Variants in ZDHHC15 observed in about 807,000 individuals in gnomAD.
ZDHHC15 encodes the protein zDHHC palmitoyltransferase 15.
ZDHHC15 carries 19 observed loss-of-function variants against 31.7 expected under a neutral mutation model. That is an observed-to-expected ratio of 0.60 (90% CI 0.42 to 0.88). The LOEUF is 0.88. Ranked by LOEUF, ZDHHC15 falls within the 40% of genes least tolerant of loss-of-function variation. The pLI, the probability that ZDHHC15 is intolerant of heterozygous loss-of-function variation, is 0.00. For synonymous variants in ZDHHC15, 103 were observed against 90.0 expected, an observed-to-expected ratio of 1.14 and a Z score of -0.82; for missense variants, 209 against 251.2, an observed-to-expected ratio of 0.83 and a Z score of 1.14.
chrX:75,383,297 A>G (rs1358127559), intron 10 of ZDHHC15, among the ~76,000 whole-genome samples: 1 of 112,444 alleles, frequency 8.9e-6, no homozygotes, highest in Non-Finnish European at 1.9e-5. Flanking sequence ...TAATCTAACA[A>G]TCATTTTCTA....
chrX:75,464,597 C>G (rs1387351634), intron 3 of ZDHHC15, among the ~76,000 whole-genome samples: 1 of 111,220 alleles, frequency 9.0e-6, no homozygotes, highest in East Asian at 2.8e-4. Flanking sequence ...AGCAGCATAT[C>G]AAAAAGCTAT....
intron 3 of ZDHHC15, among the ~76,000 whole-genome samples, chrX:75,457,548 T>C (rs1444946093): frequency 9.1e-6 from 1 of 110,030 alleles, no homozygotes; most frequent in Non-Finnish European, 1.9e-5. Flanking sequence ...TATATGCCTG[T>C]CTTATGACCC....
chrX:75,463,575 T>TACAACAACAACAACAACAACAACAACA (rs55847003), intron 3 of ZDHHC15, among the ~76,000 whole-genome samples: 51 of 100,741 alleles, frequency 5.1e-4, no homozygotes, highest in East Asian at 3.6e-3. Flanking sequence ...AACTCAAATT[T>TACAACAACAACAACAACAACAACAACA]ACAACAACAA....
chrX:75,420,295 T>A (rs2147840892), intron 9 of ZDHHC15, among the ~76,000 whole-genome samples: 1 of 110,899 alleles, frequency 9.0e-6, no homozygotes, highest in East Asian at 2.9e-4. Context: ...CATTAAAAAG[T>A]CAGGAAACAA....
intron 3 of ZDHHC15, among the ~76,000 whole-genome samples, chrX:75,467,812 A>G (rs908528598): frequency 1.8e-5 from 2 of 111,720 alleles, no homozygotes; most frequent in Non-Finnish European, 3.8e-5. Flanking sequence ...AGTAGCATTT[A>G]GTACAGAGTG....
At chrX:75,506,635 T>C (rs1680630865) in intron 1 of ZDHHC15, among the ~76,000 whole-genome samples, 1 of 111,903 alleles carries the variant, frequency 8.9e-6, no homozygotes, top group South Asian at 3.7e-4. Context: ...TAAGAATGCT[T>C]GAAAGAGGCA....
intron 3 of ZDHHC15, among the ~76,000 whole-genome samples, chrX:75,462,108 G>GA: frequency 9.0e-6 from 1 of 110,865 alleles, no homozygotes; most frequent in African/African-American, 3.3e-5. Context: ...ATGAAAAACA[G>GA]AAAAAAGTAG....
At chrX:75,462,962 A>C (rs1170047077) in intron 3 of ZDHHC15, among the ~76,000 whole-genome samples, 1 of 110,667 alleles carries the variant, frequency 9.0e-6, no homozygotes, top group Non-Finnish European at 1.9e-5. Flanking sequence ...AAAACTCTTC[A>C]AAAAAAATCA....
intron 4 of ZDHHC15, among the ~76,000 whole-genome samples, chrX:75,442,351 G>A (rs2083954515): frequency 8.9e-6 from 1 of 111,735 alleles, no homozygotes; most frequent in African/African-American, 3.3e-5. Flanking sequence ...TAGGAAAAGA[G>A]GAAGTCAAAT....
intron 3 of ZDHHC15, among the ~76,000 whole-genome samples, chrX:75,461,102 T>C (rs1043284921): frequency 8.9e-6 from 1 of 111,983 alleles, no homozygotes; most frequent in African/African-American, 3.3e-5. Flanking sequence ...ATAACCGACA[T>C]GACGGAGCTA....
intron 9 of ZDHHC15, among the ~76,000 whole-genome samples, chrX:75,418,647 T>A (rs1204333300): frequency 8.9e-6 from 1 of 111,787 alleles, no homozygotes. Context: ...AACAGAGGCC[T>A]CAGAAATAAC....
chrX:75,403,011 CCAG>C (rs895654064), intron 10 of ZDHHC15, among the ~76,000 whole-genome samples: 1 of 111,821 alleles, frequency 8.9e-6, no homozygotes, highest in Non-Finnish European at 1.9e-5. Context: ...CAAACTGAAT[CCAG>C]CAGCATATCA....
chrX:75,480,863 G>A (rs1018693657), intron 2 of ZDHHC15, among the ~76,000 whole-genome samples: 6 of 111,468 alleles, frequency 5.4e-5, no homozygotes, highest in Admixed American at 1.9e-4. Flanking sequence ...CTCTGAAGTG[G>A]AACTGCAAGG....
chrX:75,450,434 A>G (rs1006024721), intron 4 of ZDHHC15, among the ~76,000 whole-genome samples: 1 of 111,702 alleles, frequency 9.0e-6, no homozygotes, highest in Non-Finnish European at 1.9e-5. Flanking sequence ...ATTTTAACAA[A>G]ACAGAATAAA....
At chrX:75,381,013 CA>C (rs2083108664) in intron 10 of ZDHHC15, among the ~76,000 whole-genome samples, 1 of 111,434 alleles carries the variant, frequency 9.0e-6, no homozygotes, top group African/African-American at 3.3e-5. Context: ...TTGGGAAGAA[CA>C]GAGCAAATGA....
chrX:75,457,545 C>T (rs1018193099), intron 3 of ZDHHC15, among the ~76,000 whole-genome samples: 2 of 109,537 alleles, frequency 1.8e-5, no homozygotes. Context: ...AAATATATGC[C>T]TGTCTTATGA....
At chrX:75,520,241 A>G (rs1304877816) in intron 1 of ZDHHC15, among the ~76,000 whole-genome samples, 2 of 111,955 alleles carry the variant, frequency 1.8e-5, no homozygotes, top group Admixed American at 9.5e-5. Flanking sequence ...AAAACAAACA[A>G]ATAAGTCCTA....
chrX:75,374,544 C>G (rs2083036988), intron 11 of ZDHHC15, among the ~76,000 whole-genome samples: 1 of 109,952 alleles, frequency 9.1e-6, no homozygotes, highest in South Asian at 3.9e-4. Context: ...GGTACTTACC[C>G]AAGCACAGGT....
chrX:75,482,289 T>C (rs2084702477), intron 2 of ZDHHC15, among the ~76,000 whole-genome samples: 1 of 111,969 alleles, frequency 8.9e-6, no homozygotes, highest in South Asian at 3.7e-4. Context: ...GTTGAAATTA[T>C]TTTTTAAAAG....
Sources: gnomAD v4.1 joint callset for allele counts (sites outside exome capture counted in the v4.1 genomes callset) on GRCh38, gnomAD v4.1.1 for gene constraint, MANE v1.5 for transcripts, NCBI Gene and HGNC (gene_info 2026-07-23, HGNC 2026-07-21) for gene names.